The following NLN variants were observed in gnomAD, a reference collection of about 807,000 sequenced individuals.
The protein encoded by NLN is neurolysin, mitochondrial.
A neutral mutation model predicts 79.9 loss-of-function variants in NLN; 64 were observed. The ratio of observed to expected loss-of-function variants is 0.80; its 90% CI spans 0.65 to 0.99. The LOEUF (loss-of-function observed/expected upper bound fraction) is 0.99. Among genes scored for constraint, NLN ranks in the 50% least tolerant of loss-of-function variants. NLN has a pLI of 0.00. For missense variants in NLN, 835 were observed against 858.7 expected (o/e 0.97, Z 0.34); for synonymous variants, 267 against 296.6 (o/e 0.90, Z 1.02).
chr5:65,771,735 G>A (rs1465238489), intron 3 of NLN, among the ~76,000 whole-genome samples: 1 of 151,980 alleles, frequency 6.6e-6, no homozygotes. Flanking sequence ...AACCAGAACC[G>A]ACCGGGTATA....
At chr5:65,738,498 A>C (rs1330661259) in intron 1 of NLN, among the ~76,000 whole-genome samples, 1 of 151,344 alleles carries the variant, frequency 6.6e-6, no homozygotes. Context: ...GCTTGAGCCC[A>C]GGAGGCAAAG....
intron 12 of NLN, among the ~76,000 whole-genome samples, chr5:65,814,900 G>GTTGA (rs1561214301): frequency 6.6e-6 from 1 of 151,954 alleles, no homozygotes; most frequent in Admixed American, 6.6e-5. Context: ...CAATACGAAT[G>GTTGA]TTGATTTTAA....
Position 65,804,397 on chromosome 5 carries a change from T to A in NLN, c.1528-5118T>A, listed in dbSNP as rs117712239. Among the ~76,000 whole-genome samples, 210 of 152,350 alleles carry A rather than the reference T, an allele frequency of 1.4e-3. 6 individuals carry two copies. The East Asian group carries it at 0.039, about 28-fold the overall frequency. On this transcript the variant is annotated intron_variant, in intron 9 of 12. Transcript: ENST00000380985. ...TTTATTGTCCTTCACTTATTGTACT[T>A]CACAGATATTTTGTTTTTTACAAAT...
At chr5:65,800,823 T>C (rs1410045702) in intron 9 of NLN, among the ~76,000 whole-genome samples, 1 of 151,920 alleles carries the variant, frequency 6.6e-6, no homozygotes, top group East Asian at 1.9e-4. Context: ...CCTGAGTAGC[T>C]GAGACTACAG....
rs73765114 is a variant in NLN at position 65,797,052 on chromosome 5, C to T, written c.1527+4397C>T. 6.1e-3 allele frequency among the ~76,000 whole-genome samples: 936 copies of T among 152,326 alleles called. 9 individuals are homozygous for T. The highest frequency in any genetic ancestry group is 0.021 in the African/African-American group (872 of 41,564). ...CTCTTCATTCAGGACGTGAGTTTCA[C>T]TCGTATTACGTTTACAGGGTAGGTA... On this transcript the variant is annotated intron_variant, in intron 9 of 12. Transcript: ENST00000380985.
intron 3 of NLN, among the ~76,000 whole-genome samples, chr5:65,770,698 A>G (rs1269098674): frequency 6.6e-6 from 1 of 152,228 alleles, no homozygotes; most frequent in Non-Finnish European, 1.5e-5. Context: ...ATACCTTTGC[A>G]TTTGTGCAAG....
intron 5 of NLN, among the ~76,000 whole-genome samples, chr5:65,780,791 A>T (rs1759783936): frequency 6.6e-6 from 1 of 152,260 alleles, no homozygotes; most frequent in East Asian, 1.9e-4. Context: ...CTCTTGCCTC[A>T]GCCTCCCAAG....
chr5:65,766,578 A>AC (rs1182187948), intron 3 of NLN, among the ~76,000 whole-genome samples: 3 of 152,080 alleles, frequency 2.0e-5, no homozygotes, highest in Non-Finnish European at 2.9e-5. Flanking sequence ...AACTTTCATC[A>AC]CACCCCCAGC....
chr5:65,770,571 T>TA (rs1360856562), intron 3 of NLN, among the ~76,000 whole-genome samples: 1 of 152,224 alleles, frequency 6.6e-6, no homozygotes, highest in East Asian at 1.9e-4. Flanking sequence ...GCACTGCTTC[T>TA]AAGAGTATAA....
At chr5:65,747,256 A>G (rs1389305127) in intron 1 of NLN, among the ~76,000 whole-genome samples, 1 of 152,124 alleles carries the variant, frequency 6.6e-6, no homozygotes, top group Non-Finnish European at 1.5e-5. Context: ...TGACAGTGAG[A>G]GGAGAAATTC....
At chr5:65,784,515 A>C (rs1028663035) in intron 6 of NLN, among the ~76,000 whole-genome samples, 11 of 152,210 alleles carry the variant, frequency 7.2e-5, no homozygotes, top group African/African-American at 2.7e-4. Flanking sequence ...GTGTCTAGAA[A>C]GGGCCTTTTT....
Position 65,823,254 on chromosome 5 carries a change from T to G in NLN, c.*339T>G, listed in dbSNP as rs1760840330. 1 of 182,232 alleles carries G rather than the reference T, an allele frequency of 5.5e-6. No homozygotes were observed. The highest frequency in any genetic ancestry group is 1.2e-5 in the Non-Finnish European group (1 of 86,700). The allele number at this position is 182,232 out of a possible 1,614,324, so 11.3% of individuals were successfully genotyped here. On this transcript the variant is annotated 3_prime_UTR_variant, in exon 13 of 13. Transcript: ENST00000380985. The stretch of plus-strand genomic sequence containing the variant: ...AAGAATTTTTAAATTGAATCATATA[T>G]ATGATATAATTTGATCCTTCTTGTA...
intron 7 of NLN, among the ~76,000 whole-genome samples, chr5:65,786,357 A>G (rs1030982036): frequency 1.3e-5 from 2 of 152,178 alleles, no homozygotes; most frequent in Non-Finnish European, 2.9e-5. Context: ...AAACTAATAT[A>G]AAATAATATA....
intron 9 of NLN, among the ~76,000 whole-genome samples, chr5:65,805,589 C>G (rs1192358709): frequency 6.6e-6 from 1 of 152,220 alleles, no homozygotes; most frequent in Non-Finnish European, 1.5e-5. Flanking sequence ...AGTGAGGAAG[C>G]TGCAGAAGAA....
intron 9 of NLN, among the ~76,000 whole-genome samples, chr5:65,802,418 A>G (rs971619786): frequency 6.6e-6 from 1 of 152,218 alleles, no homozygotes; most frequent in Non-Finnish European, 1.5e-5. Context: ...ACACAGTGGC[A>G]CCCAGAAGCT....
chr5:65,805,155 C>T lies in NLN; in HGVS notation c.1528-4360C>T, dbSNP rs555765433. Among the ~76,000 whole-genome samples the T allele has an allele frequency of 6.6e-5, 10 of 152,252 alleles. No homozygotes were observed. In the South Asian group the frequency reaches 8.3e-4, roughly 13 times the overall value. ...GTTATATGTATACTGACTGCTCCAC[C>T]GGCCATTTCCCATTTCTCACCCCCT... On this transcript the variant is annotated intron_variant, in intron 9 of 12. Coordinates refer to ENST00000380985, the MANE Select transcript of NLN (RefSeq NM_020726.5).
chr5:65,765,810 A>C (rs1759439436), intron 3 of NLN, among the ~76,000 whole-genome samples: 1 of 152,174 alleles, frequency 6.6e-6, no homozygotes, highest in African/African-American at 2.4e-5. Context: ...TGCTCTACTA[A>C]AATTAGGATG....
intron 3 of NLN, among the ~76,000 whole-genome samples, chr5:65,763,394 C>G (rs1422497487): frequency 2.0e-5 from 3 of 152,122 alleles, no homozygotes; most frequent in Admixed American, 2.0e-4. Flanking sequence ...TAAGGGTTAT[C>G]TTAGACCAAA....
At chr5:65,801,474 G>T (rs66624003) in intron 9 of NLN, among the ~76,000 whole-genome samples, 6,442 of 152,226 alleles carry the variant, frequency 0.042, 200 homozygotes, top group African/African-American at 0.077. Context: ...TTGAGAATTC[G>T]GTTGTTTGCT....
Sources: allele counts gnomAD v4.1 joint callset (sites outside exome capture counted in the v4.1 genomes callset), GRCh38; gene constraint gnomAD v4.1.1; transcripts MANE v1.5; gene names NCBI Gene and HGNC (gene_info 2026-07-23, HGNC 2026-07-21).